DCDC2: variants seen among roughly 807,000 people sequenced by gnomAD.
DCDC2 encodes doublecortin domain-containing protein 2.
Under a neutral mutation model 50.2 loss-of-function variants are expected in DCDC2, and 40 were observed. The ratio of observed to expected loss-of-function variants is 0.80; its 90% CI spans 0.62 to 1.04. The LOEUF (loss-of-function observed/expected upper bound fraction) is 1.04. DCDC2 is among the 50% of genes least tolerant of loss of function. The pLI, the probability that DCDC2 is intolerant of heterozygous loss-of-function variation, is 0.00. For missense variants in DCDC2, 570 were observed against 581.9 expected (o/e 0.98, Z 0.21); for synonymous variants, 234 against 210.6 (o/e 1.11, Z -0.96).
chr6:24,217,148 A>G (rs1762001016), intron 7 of DCDC2, among the ~76,000 whole-genome samples: 1 of 152,218 alleles, frequency 6.6e-6, no homozygotes, highest in African/African-American at 2.4e-5. Flanking sequence ...TTAAAAAAAA[A>G]ATAGCCAAAG....
chr6:24,347,636 A>G (rs1475741430), intron 2 of DCDC2, among the ~76,000 whole-genome samples: 1 of 152,160 alleles, frequency 6.6e-6, no homozygotes, highest in Non-Finnish European at 1.5e-5. Flanking sequence ...TAAAGACTTG[A>G]GCGTCCTTGG....
the DCDC2 span, among the ~76,000 whole-genome samples, chr6:24,369,669 T>A: frequency 3.0e-4 from 45 of 151,122 alleles, no homozygotes; most frequent in Non-Finnish European, 5.9e-4. Flanking sequence ...GAAAATGAAA[T>A]AAAGAAAAAG....
the DCDC2 span, among the ~76,000 whole-genome samples, chr6:24,368,565 A>G: frequency 6.6e-6 from 1 of 152,232 alleles, no homozygotes; most frequent in African/African-American, 2.4e-5. Flanking sequence ...TGTTTTGAAA[A>G]TAGTTGTCAA....
intron 2 of DCDC2, among the ~76,000 whole-genome samples, chr6:24,316,271 C>T (rs746735979): frequency 3.9e-5 from 6 of 152,080 alleles, no homozygotes; most frequent in East Asian, 3.9e-4. Context: ...TGTTCAGCAA[C>T]GAAGAGAGTA....
At chr6:24,325,719 T>G (rs1416863896) in intron 2 of DCDC2, among the ~76,000 whole-genome samples, 1 of 149,456 alleles carries the variant, frequency 6.7e-6, no homozygotes. Flanking sequence ...CTTCTCCCTC[T>G]CTCTTCTTCA....
At chr6:24,294,970 GGCCA>G (rs1412229023) in intron 4 of DCDC2, among the ~76,000 whole-genome samples, 1 of 151,980 alleles carries the variant, frequency 6.6e-6, no homozygotes, top group East Asian at 1.9e-4. Context: ...TGTTCTATGA[GGCCA>G]GCATCATCCT....
intron 6 of DCDC2, among the ~76,000 whole-genome samples, chr6:24,287,498 A>G (rs77574367): frequency 0.065 from 9,921 of 151,872 alleles, 546 homozygotes; most frequent in African/African-American, 0.16. Context: ...TCCTTTTTTC[A>G]TTCCTTTTTA....
chr6:24,357,451 G>A lies in DCDC2; in HGVS notation c.293+7C>T, dbSNP rs1292272654. 3 of 1,590,808 alleles carry A rather than the reference G, an allele frequency of 1.9e-6. No homozygotes were observed. Among genetic ancestry groups the A allele is most frequent in the African/African-American group, 2.7e-5 (2 of 74,496 alleles). On this transcript the variant is annotated splice_region_variant and intron_variant, in intron 1 of 9. Transcript: ENST00000378454. ...AAATGGGTGGGCGGTGGGGGAGACC[G>A]ACTCACTTGAGTTTCTTGAAGGCTT...
chr6:24,223,440 G>A (rs1443069350), intron 7 of DCDC2, among the ~76,000 whole-genome samples: 2 of 152,132 alleles, frequency 1.3e-5, no homozygotes, highest in Admixed American at 1.3e-4. Flanking sequence ...GTCATATTTT[G>A]TGTATCGAGC....
intron 7 of DCDC2, among the ~76,000 whole-genome samples, chr6:24,212,536 T>A (rs529997476): frequency 6.6e-6 from 1 of 152,196 alleles, no homozygotes; most frequent in Non-Finnish European, 1.5e-5. Flanking sequence ...TTCTATTTTT[T>A]TAAGTCTTAC....
chr6:24,283,151 T>C (rs1323778338), intron 6 of DCDC2, among the ~76,000 whole-genome samples: 9 of 152,356 alleles, frequency 5.9e-5, no homozygotes, highest in African/African-American at 2.2e-4. Flanking sequence ...TGATTCTACA[T>C]GGTGTCACCT....
At chr6:24,186,025 T>C (rs569734239) in intron 8 of DCDC2, among the ~76,000 whole-genome samples, 5 of 152,344 alleles carry the variant, frequency 3.3e-5, no homozygotes. Context: ...TCAGTTATGT[T>C]TATTCTTTGC....
chr6:24,290,928 T>C lies in DCDC2; in HGVS notation c.704+4A>G, dbSNP rs555230891. The C allele has an allele frequency of 1.9e-6, 3 of 1,613,072 alleles. No homozygotes were observed. In the African/African-American group the frequency reaches 4.0e-5, roughly 22 times the overall value. On this transcript the variant is annotated splice_donor_region_variant and intron_variant, in intron 5 of 9. Coordinates refer to ENST00000378454, the MANE Select transcript of DCDC2 (RefSeq NM_016356.5). ...CATGAGGAGTGGTAAGGAGTAAGAC[T>C]TACCCAAAAGGCCTTCTCATCGTTG...
intron 7 of DCDC2, among the ~76,000 whole-genome samples, chr6:24,209,746 A>G (rs765583622): frequency 4.6e-5 from 7 of 152,148 alleles, no homozygotes; most frequent in Non-Finnish European, 8.8e-5. Flanking sequence ...TGTATCATAT[A>G]AAAGTAACTC....
chr6:24,312,858 ACAAAG>A (rs1318106293), intron 2 of DCDC2, among the ~76,000 whole-genome samples: 3 of 152,244 alleles, frequency 2.0e-5, no homozygotes, highest in Admixed American at 1.3e-4. Context: ...GCTATTCAAA[ACAAAG>A]CAAAGTAAAA....
intron 2 of DCDC2, among the ~76,000 whole-genome samples, chr6:24,349,194 C>T (rs1401542385): frequency 6.6e-6 from 1 of 152,154 alleles, no homozygotes; most frequent in Non-Finnish European, 1.5e-5. Context: ...GGCTTTGCTG[C>T]AACATGATAA....
At chr6:24,306,041 A>G (rs188040026) in intron 2 of DCDC2, among the ~76,000 whole-genome samples, 60 of 152,176 alleles carry the variant, frequency 3.9e-4, no homozygotes, top group African/African-American at 1.2e-3. Flanking sequence ...AAAAAAAAGA[A>G]AGGAAAGAAA....
intron 9 of DCDC2, 51 bp from the exon 10 acceptor site, chr6:24,174,885 G>T (rs2113735398): frequency 2.5e-6 from 3 of 1,181,364 alleles, no homozygotes; most frequent in South Asian, 1.7e-5. Flanking sequence ...GGTTCACAAA[G>T]GTAATGACAT....
the DCDC2 span, among the ~76,000 whole-genome samples, chr6:24,374,744 G>GA: frequency 5.9e-5 from 9 of 152,180 alleles, no homozygotes; most frequent in African/African-American, 2.2e-4. Context: ...ATAAGCATGG[G>GA]AAAATCCAGC....
Sources: allele counts gnomAD v4.1 joint callset (sites outside exome capture counted in the v4.1 genomes callset), GRCh38; gene constraint gnomAD v4.1.1; transcripts MANE v1.5; gene names NCBI Gene and HGNC (gene_info 2026-07-23, HGNC 2026-07-21).